The following DEPDC1 variants were observed in gnomAD, a reference collection of about 807,000 sequenced individuals.
The protein encoded by DEPDC1 is DEP domain containing 1, also known as DEP domain-containing protein 1A.
A neutral mutation model predicts 86.8 loss-of-function variants in DEPDC1; 66 were observed. The ratio of observed to expected loss-of-function variants is 0.76; its 90% CI spans 0.62 to 0.93. DEPDC1 has a LOEUF of 0.93. Among genes scored for constraint, DEPDC1 ranks in the 40% least tolerant of loss-of-function variants. The pLI is 0.00. For synonymous variants in DEPDC1, 255 were observed against 314.9 expected (o/e 0.81, Z 2.02); for missense variants, 792 against 935.7 (o/e 0.85, Z 2.00).
intron 2 of DEPDC1, among the ~76,000 whole-genome samples, chr1:68,491,728 T>C (rs1482094939): frequency 3.3e-5 from 5 of 152,134 alleles, no homozygotes; most frequent in Admixed American, 6.6e-5. Flanking sequence ...ATAAACAATA[T>C]GTGGTTTGGT....
chr1:68,490,572 T>C (rs1356061539), intron 2 of DEPDC1, among the ~76,000 whole-genome samples: 1 of 152,222 alleles, frequency 6.6e-6, no homozygotes, highest in Non-Finnish European at 1.5e-5. Flanking sequence ...TACGTGTACA[T>C]GTGTCTTCAT....
At chr1:68,478,017 T>G in intron 10 of DEPDC1, 45 bp from the exon 11 acceptor site, 5 of 1,335,996 alleles carry the variant, frequency 3.7e-6, no homozygotes, top group Non-Finnish European at 5.0e-6. Flanking sequence ...CTGGTCATGT[T>G]CTTATATGAT....
chr1:68,478,540 C>T (rs991564385), intron 10 of DEPDC1, among the ~76,000 whole-genome samples: 1 of 151,300 alleles, frequency 6.6e-6, no homozygotes, highest in Non-Finnish European at 1.5e-5. Context: ...TAATTATAAG[C>T]CAGGGCAATA....
rs373724969 is a variant in DEPDC1, at chr1:68,489,556, T to C, written c.367A>G (p.Arg123Gly). Residue 123 changes from arginine (R) to glycine (G), a missense_variant, in exon 3 of 12, where the codon AGA becomes GGA. Transcript: ENST00000456315. ...KTLPRRYPEL[R>G]KNNIENFSKD... The stretch of plus-strand genomic sequence containing the variant: ...GAAAAGTTCTCTATGTTGTTTTTTC[T>C]CAATTCTGGATACCTTCGTGGTAGA... 6.5e-7 allele frequency: 1 copy of C among 1,542,824 alleles called. No homozygotes were observed. Among genetic ancestry groups the C allele is most frequent in the Non-Finnish European group, 8.7e-7 (1 of 1,155,396 alleles).
Position 68,482,329 on chromosome 1 carries a change from G to C in DEPDC1, c.1479C>G (p.Asp493Glu). The C allele has an allele frequency of 6.2e-7, 1 of 1,612,850 alleles. No individual in the cohort carries two copies. The highest frequency in any genetic ancestry group is 8.5e-7 in the Non-Finnish European group (1 of 1,179,294). ...ATTTCCCATTACACAACTCCTCTTG[G>C]TCTTGAACAGTCAAAGTAGAGGTTC... ...FKRTSTLTVQ[D>E]QEELCNGKCK... is the part of the protein sequence containing the mutation. Residue 493 changes from aspartate (D) to glutamate (E), a missense_variant, in exon 8 of 12, where the codon GAC (aspartate) becomes GAG (glutamate). Transcript: ENST00000456315.
At chr1:68,481,707 A>G in intron 8 of DEPDC1, 95 bp from the exon 9 acceptor site, 1 of 968,632 alleles carries the variant, frequency 1.0e-6, no homozygotes, top group Admixed American at 3.3e-5. Context: ...GTAAAATAAT[A>G]TCTTAGTATT....
At chr1:68,483,629 C>G (rs535160027) in intron 7 of DEPDC1, 1 of 269,254 alleles carries the variant, frequency 3.7e-6, no homozygotes, top group African/African-American at 2.3e-5. Flanking sequence ...CACCCTCATA[C>G]CGTGCTCTGT....
rs949436702 is a variant in DEPDC1, at chr1:68,482,196, C to T, written c.1612G>A (p.Val538Ile). ...TGCACACTTGTGCTGCCTTGTCCAA[C>T]ATTTGGTTTCATGATAATTTCAGCC... is the stretch of plus-strand genomic sequence containing the variant. ...PVAEIIMKPN[V>I]GQGSTSVQTA... Residue 538 changes from valine to isoleucine, a missense_variant, in exon 8 of 12, where the codon GTT (valine) becomes ATT (isoleucine). Physicochemically the swap from Val to Ile is conservative, Grantham distance 29. Transcript: ENST00000456315. 3.1e-6 allele frequency: 5 copies of T among 1,612,796 alleles called. No individual in the cohort carries two copies. The highest frequency in any genetic ancestry group is 4.2e-6 in the Non-Finnish European group (5 of 1,179,206).
At chr1:68,491,769 A>G (rs1027210836) in intron 2 of DEPDC1, among the ~76,000 whole-genome samples, 1 of 151,912 alleles carries the variant, frequency 6.6e-6, no homozygotes, top group Non-Finnish European at 1.5e-5. Context: ...CTTTTACCAT[A>G]TATCAATTTT....
At chr1:68,479,570 A>G (rs1212861489) in intron 9 of DEPDC1, among the ~76,000 whole-genome samples, 1 of 152,014 alleles carries the variant, frequency 6.6e-6, no homozygotes, top group Non-Finnish European at 1.5e-5. Context: ...TGGGAGGCTG[A>G]GGTGAGAGGC....
intron 1 of DEPDC1, among the ~76,000 whole-genome samples, chr1:68,495,066 T>C (rs2100277377): frequency 6.6e-6 from 1 of 152,106 alleles, no homozygotes; most frequent in South Asian, 2.1e-4. Context: ...CACTTGAACC[T>C]GGGAGGCGGA....
chr1:68,490,043 G>A (rs376222267), intron 2 of DEPDC1, among the ~76,000 whole-genome samples: 1 of 152,170 alleles, frequency 6.6e-6, no homozygotes. Flanking sequence ...ATACTTCAAA[G>A]ATATAATAAA....
chr1:68,487,116 T>A (rs1646198243), intron 5 of DEPDC1, 132 bp from the exon 6 acceptor site: 4 of 662,910 alleles, frequency 6.0e-6, no homozygotes, highest in Non-Finnish European at 9.1e-6. Context: ...TGTATATGTG[T>A]GTATTACCAG....
rs1241253153 is a variant in DEPDC1, at chr1:68,480,285, CCT to C, written c.1936-967_1936-966del. ...ACACACACACACACACACACACACC[CCT>C]CATTCTAAAATACTTAGAAATCAGA... On this transcript the variant is annotated intron_variant, in intron 9 of 11. Transcript: ENST00000456315. 4.0e-5 allele frequency among the ~76,000 whole-genome samples: 6 copies of C among 151,642 alleles called. No homozygotes were observed. The East Asian group carries it at 5.8e-4, about 15-fold the overall frequency.
At position 68,476,900 on chromosome 1, in the gene DEPDC1, C is replaced by T. The variant is rs370272621; in HGVS notation, c.*32G>A. 45 of 1,499,362 alleles carry T rather than the reference C, an allele frequency of 3.0e-5. No homozygotes were observed. The African/African-American group carries it at 6.0e-4, about 20-fold the overall frequency. 92.9% of individuals were successfully genotyped at this position (1,499,362 alleles called of 1,614,324 possible). A position where few individuals can be genotyped will look rare whatever the true frequency, so the allele number is the denominator to read the frequency against. ...GATATGGCTTCATTTATCAAAGTTC[C>T]ACAAGTATTACATAATTTTTAATTC... On this transcript the variant is annotated 3_prime_UTR_variant, in exon 12 of 12. Coordinates refer to ENST00000456315, the MANE Select transcript of DEPDC1 (RefSeq NM_001114120.3).
chr1:68,488,274 A>G (rs1646205826), intron 5 of DEPDC1, 100 bp downstream of exon 5: 1 of 1,149,334 alleles, frequency 8.7e-7, no homozygotes, highest in East Asian at 2.8e-5. Flanking sequence ...ATGCTCCATG[A>G]AAGTATTCTA....
Position 68,477,804 on chromosome 1 carries a change from T to C in DEPDC1, c.2281A>G (p.Arg761Gly), listed in dbSNP as rs1385601463. The change falls in exon 11 of 12, where the codon AGA (arginine) becomes GGA (glycine). Residue 761 changes from arginine (R) to glycine (G), a missense_variant. By Grantham distance (125) the Arg-to-Gly change is moderately radical. Transcript: ENST00000456315. The stretch of plus-strand genomic sequence containing the variant: ...TCTCTTACCTGTTTTAGTTTTTTTC[T>C]TTTCTCCTTTAGAGGTAAACTCCTG... ...KNRSLPLKEK[R>G]KKLKQFQKEY... The C allele has an allele frequency of 6.6e-7, 1 of 1,516,088 alleles. No homozygotes were observed. The highest frequency in any genetic ancestry group is 1.4e-5 in the African/African-American group (1 of 71,624). 93.9% of individuals were successfully genotyped at this position (1,516,088 alleles called of 1,614,324 possible). A position where few individuals can be genotyped will look rare whatever the true frequency, so the allele number is the denominator to read the frequency against.
In DEPDC1 at chr1:68,477,795, G is replaced by T; in HGVS notation, c.2290C>A (p.Leu764Ile). The part of the protein sequence containing the change: ...SLPLKEKRKK[L>I]KQFQKEYPLI... Reference sequence around the variant, plus strand: ...CTTGCTCATTCTCTTACCTGTTTTAGTTTTTTTCTTTTCTCCTTTAGAGGT... The same window carrying T: ...CTTGCTCATTCTCTTACCTGTTTTATTTTTTTTCTTTTCTCCTTTAGAGGT... Residue 764 changes from leucine (L) to isoleucine (I), a missense_variant, in exon 11 of 12, where the codon CTA becomes ATA. Physicochemically the swap from Leu to Ile is conservative, Grantham distance 5 (BLOSUM62 2). Coordinates refer to ENST00000456315, the MANE Select transcript of DEPDC1 (RefSeq NM_001114120.3). 1 of 1,512,322 alleles carries T rather than the reference G, an allele frequency of 6.6e-7. No individual in the cohort carries two copies. The highest frequency in any genetic ancestry group is 8.9e-7 in the Non-Finnish European group (1 of 1,125,366). The allele number at this position is 1,512,322 out of a possible 1,614,324, so 93.7% of individuals were successfully genotyped here.
At chr1:68,486,374 G>T (rs569969551) in intron 6 of DEPDC1, among the ~76,000 whole-genome samples, 4 of 152,016 alleles carry the variant, frequency 2.6e-5, no homozygotes, top group Admixed American at 6.6e-5. Flanking sequence ...ACTGTAAGTT[G>T]TAAGTTTCCT....
Sources: gnomAD v4.1 joint callset for allele counts (sites outside exome capture counted in the v4.1 genomes callset) on GRCh38, gnomAD v4.1.1 for gene constraint, MANE v1.5 for transcripts, NCBI Gene and HGNC (gene_info 2026-07-23, HGNC 2026-07-21) for gene names.